Variants in NLN observed in about 807,000 individuals in gnomAD.
NLN encodes neurolysin, also known as neurolysin, mitochondrial.
In NLN, 64 loss-of-function variants were observed where a neutral mutation model predicts 79.9. The observed-to-expected ratio is 0.80, with a 90% CI of 0.65 to 0.99. NLN has a LOEUF of 0.99. Among genes scored for constraint, NLN ranks in the 50% least tolerant of loss-of-function variants. The probability of loss-of-function intolerance (pLI) is 0.00; values close to 1 mark genes in which losing one functional copy is unlikely to be tolerated. For missense variants in NLN, 835 were observed against 858.7 expected, an observed-to-expected ratio of 0.97 and a Z score of 0.34; for synonymous variants, 267 against 296.6, an observed-to-expected ratio of 0.90 and a Z score of 1.02.
At chr5:65,789,402 A>T (rs547168468) in intron 8 of NLN, among the ~76,000 whole-genome samples, 106 of 152,356 alleles carry the variant, frequency 7.0e-4, no homozygotes, top group African/African-American at 2.5e-3. Flanking sequence ...CTCAGCACAT[A>T]GCAAAGGCTT....
At chr5:65,785,291 A>G (rs1431860824) in intron 6 of NLN, among the ~76,000 whole-genome samples, 1 of 152,208 alleles carries the variant, frequency 6.6e-6, no homozygotes, top group Non-Finnish European at 1.5e-5. Context: ...GCAATGTGCA[A>G]GGGTTCCAAT....
chr5:65,728,607 C>G (rs1182063149), intron 1 of NLN, among the ~76,000 whole-genome samples: 2 of 152,168 alleles, frequency 1.3e-5, no homozygotes, highest in Non-Finnish European at 2.9e-5. Flanking sequence ...TATACTGTTA[C>G]CAACATTGAG....
intron 1 of NLN, among the ~76,000 whole-genome samples, chr5:65,739,786 T>C (rs1456410354): frequency 6.6e-6 from 1 of 152,226 alleles, no homozygotes; most frequent in Non-Finnish European, 1.5e-5. Context: ...TATACCTGTT[T>C]GCCATTTATA....
At chr5:65,751,546 A>G (rs991513821) in intron 1 of NLN, among the ~76,000 whole-genome samples, 2 of 152,220 alleles carry the variant, frequency 1.3e-5, no homozygotes, top group Admixed American at 1.3e-4. Flanking sequence ...CTAATTGAAT[A>G]GGTGATGACA....
intron 3 of NLN, among the ~76,000 whole-genome samples, chr5:65,769,518 G>A (rs529470346): frequency 6.6e-6 from 1 of 152,224 alleles, no homozygotes; most frequent in Non-Finnish European, 1.5e-5. Flanking sequence ...CCCCATAAAT[G>A]TATACACCTA....
chr5:65,779,191 C>T (rs1759745762), intron 4 of NLN, among the ~76,000 whole-genome samples: 1 of 152,142 alleles, frequency 6.6e-6, no homozygotes, highest in African/African-American at 2.4e-5. Context: ...TAGGACTCGA[C>T]TTTTAAGAGT....
intron 5 of NLN, among the ~76,000 whole-genome samples, chr5:65,780,597 T>C (rs1339975978): frequency 6.6e-6 from 1 of 152,176 alleles, no homozygotes; most frequent in Non-Finnish European, 1.5e-5. Flanking sequence ...CCTTAAAATT[T>C]TTTTTTGACT....
intron 2 of NLN, among the ~76,000 whole-genome samples, chr5:65,759,614 A>T (rs1424393344): frequency 6.6e-6 from 1 of 152,080 alleles, no homozygotes; most frequent in Non-Finnish European, 1.5e-5. Context: ...GGCCCAGAAG[A>T]ACCAGTAGTG....
At chr5:65,812,455 G>A in intron 12 of NLN, 64 bp downstream of exon 12, 2 of 1,121,050 alleles carry the variant, frequency 1.8e-6, no homozygotes, top group Non-Finnish European at 2.6e-6. Flanking sequence ...AACTCCTAGT[G>A]TAAAATATTG....
At chr5:65,759,298 CATG>C (rs752758061) in intron 2 of NLN, among the ~76,000 whole-genome samples, 1 of 151,898 alleles carries the variant, frequency 6.6e-6, no homozygotes, top group Non-Finnish European at 1.5e-5. Context: ...TATTTAATGA[CATG>C]GGGAAAAGGA....
At chr5:65,789,012 C>T (rs1236243986) in intron 8 of NLN, among the ~76,000 whole-genome samples, 2 of 151,830 alleles carry the variant, frequency 1.3e-5, no homozygotes, top group South Asian at 2.1e-4. Context: ...GTGGTGTGCA[C>T]ACCTGTAGTC....
intron 9 of NLN, among the ~76,000 whole-genome samples, chr5:65,800,671 T>TTTAC (rs1205979921): frequency 1.3e-5 from 2 of 148,886 alleles, no homozygotes; most frequent in Non-Finnish European, 3.0e-5. Context: ...CTCTTATTTA[T>TTTAC]TTATTTATTT....
At chr5:65,745,551 T>C (rs891405843) in intron 1 of NLN, among the ~76,000 whole-genome samples, 5 of 152,186 alleles carry the variant, frequency 3.3e-5, no homozygotes, top group African/African-American at 9.7e-5. Context: ...CCTCTTGGCT[T>C]ATTGGGAGGA....
intron 11 of NLN, 21 bp from the exon 12 acceptor site, chr5:65,812,234 G>A: frequency 6.2e-7 from 1 of 1,611,260 alleles, no homozygotes; most frequent in Non-Finnish European, 8.5e-7. Flanking sequence ...CACATTGATT[G>A]AAATGTATCT....
At chr5:65,801,958 G>A (rs950909923) in intron 9 of NLN, among the ~76,000 whole-genome samples, 2 of 152,160 alleles carry the variant, frequency 1.3e-5, no homozygotes, top group Non-Finnish European at 2.9e-5. Flanking sequence ...TACAAAGTCT[G>A]TATTTTTGTC....
At chr5:65,781,198 C>A in intron 5 of NLN, 63 bp from the exon 6 acceptor site, 2 of 1,032,746 alleles carry the variant, frequency 1.9e-6, no homozygotes, top group Non-Finnish European at 2.9e-6. Flanking sequence ...AGGCACCATG[C>A]CAATACTAAA....
intron 12 of NLN, among the ~76,000 whole-genome samples, chr5:65,815,419 G>A (rs1456983655): frequency 1.3e-5 from 2 of 152,216 alleles, no homozygotes; most frequent in Non-Finnish European, 2.9e-5. Context: ...TGAACTTAGA[G>A]AAAGCATCAT....
chr5:65,782,676 C>T (rs138930640), intron 6 of NLN, among the ~76,000 whole-genome samples: 1 of 152,210 alleles, frequency 6.6e-6, no homozygotes, highest in Non-Finnish European at 1.5e-5. Context: ...TTCCAACCAT[C>T]TGAAGATTGT....
At chr5:65,728,810 A>G (rs751926899) in intron 1 of NLN, among the ~76,000 whole-genome samples, 1 of 152,180 alleles carries the variant, frequency 6.6e-6, no homozygotes, top group South Asian at 2.1e-4. Context: ...AAAATCTTAG[A>G]AAGTCAGACA....
Sources: allele counts gnomAD v4.1 joint callset (sites outside exome capture counted in the v4.1 genomes callset), GRCh38; gene constraint gnomAD v4.1.1; transcripts MANE v1.5; gene names NCBI Gene and HGNC (gene_info 2026-07-23, HGNC 2026-07-21).